The following SAMD5 variants were observed in gnomAD, a reference collection of about 807,000 sequenced individuals.
SAMD5 encodes sterile alpha motif domain-containing protein 5.
Under a neutral mutation model 11.3 loss-of-function variants are expected in SAMD5, and 13 were observed. The ratio of observed to expected loss-of-function variants is 1.15; its 90% CI spans 0.75 to 1.83. The LOEUF (loss-of-function observed/expected upper bound fraction) is 1.83, where lower values mean the gene tolerates loss of function less well. SAMD5 is among the 40% of genes most tolerant of loss of function. The pLI is 0.00. For missense variants in SAMD5, 255 were observed against 239.1 expected (o/e 1.07, Z -0.44); for synonymous variants, 129 against 111.3 (o/e 1.16, Z -1.00).
At chr6:147,630,462 T>C (rs976468085) in intron 1 of SAMD5, among the ~76,000 whole-genome samples, 3 of 151,922 alleles carry the variant, frequency 2.0e-5, no homozygotes, top group Admixed American at 6.6e-5. Flanking sequence ...AAATGGCCGG[T>C]TCCTGCCTTA....
chr6:147,832,076 G>A, the SAMD5 span, among the ~76,000 whole-genome samples: 1 of 151,956 alleles, frequency 6.6e-6, no homozygotes, highest in African/African-American at 2.4e-5. Context: ...AGAAAGGAAG[G>A]AAGAGAAAAT....
At chr6:147,544,439 T>G (rs1788653481) in intron 1 of SAMD5, among the ~76,000 whole-genome samples, 1 of 152,234 alleles carries the variant, frequency 6.6e-6, no homozygotes, top group Non-Finnish European at 1.5e-5. Flanking sequence ...GCACTTAAAC[T>G]TATATAGAAA....
At chr6:147,943,064 A>G in the SAMD5 span, among the ~76,000 whole-genome samples, 1 of 151,422 alleles carries the variant, frequency 6.6e-6, no homozygotes, top group East Asian at 1.9e-4. Flanking sequence ...CAGGTGATTC[A>G]CCCGCCTCGG....
In SAMD5 at chr6:147,686,414, A is replaced by G. The variant is rs540764464; in HGVS notation, c.163-50903A>G. Reference sequence around the variant, plus strand: ...AATGCCATATTGTCATGCCTTTTATATTTAGAATTATCATATGGAATTATT... The same window carrying G: ...AATGCCATATTGTCATGCCTTTTATGTTTAGAATTATCATATGGAATTATT... On this transcript the variant is annotated intron_variant, in intron 1 of 1. Transcript: ENST00000566741. 3.9e-5 allele frequency among the ~76,000 whole-genome samples: 6 copies of G among 152,246 alleles called. No individual in the cohort carries two copies. The South Asian group carries it at 1.0e-3, about 26-fold the overall frequency.
At position 147,580,945 on chromosome 6, in the gene SAMD5, C is replaced by G. The variant is rs372057214; in HGVS notation, c.162+71558C>G. ...GAGACGCTATGTTGGGGGTAAAGCTCTGAGGTGGCTTTTTATTCTAATCTA... is the reference window on the plus strand; with the variant it reads ...GAGACGCTATGTTGGGGGTAAAGCTGTGAGGTGGCTTTTTATTCTAATCTA... On this transcript the variant is annotated intron_variant, in intron 1 of 1. Coordinates refer to the SAMD5 transcript ENST00000566741. 8.3e-4 allele frequency among the ~76,000 whole-genome samples: 127 copies of G among 152,208 alleles called. 1 individual carries two copies. Among genetic ancestry groups the G allele is most frequent in the African/African-American group, 2.8e-3 (118 of 41,520 alleles).
chr6:147,749,167 G>GT, the SAMD5 span, among the ~76,000 whole-genome samples: 1 of 140,024 alleles, frequency 7.1e-6, no homozygotes, highest in Non-Finnish European at 1.5e-5. Context: ...ATATTTTTTT[G>GT]TTTTGTTTTT....
At chr6:147,584,680 A>G (rs1175059744) in intron 1 of SAMD5, among the ~76,000 whole-genome samples, 1 of 152,240 alleles carries the variant, frequency 6.6e-6, no homozygotes, top group Non-Finnish European at 1.5e-5. Context: ...TAATAGGTGC[A>G]TTACAATTAT....
the SAMD5 span, among the ~76,000 whole-genome samples, chr6:147,937,947 C>T: frequency 2.6e-5 from 4 of 152,204 alleles, no homozygotes; most frequent in South Asian, 4.1e-4. Context: ...CTTTAAGACA[C>T]TTTAACAATT....
the SAMD5 span, among the ~76,000 whole-genome samples, chr6:147,867,306 A>G: frequency 7.2e-6 from 1 of 139,388 alleles, no homozygotes; most frequent in Non-Finnish European, 1.5e-5. Flanking sequence ...TTTTTTACTT[A>G]ACACTGATAA....
At chr6:147,691,347 A>C (rs2128457078) in intron 1 of SAMD5, among the ~76,000 whole-genome samples, 1 of 152,298 alleles carries the variant, frequency 6.6e-6, no homozygotes, top group South Asian at 2.1e-4. Flanking sequence ...GCAGAAGGCA[A>C]CTACTGTTTT....
intron 1 of SAMD5, among the ~76,000 whole-genome samples, chr6:147,587,484 G>A (rs1198418159): frequency 1.3e-5 from 2 of 152,218 alleles, no homozygotes; most frequent in East Asian, 3.9e-4. Context: ...TGATCCGCCT[G>A]CCTTGATCTC....
chr6:147,587,177 C>T (rs1789386041), intron 1 of SAMD5, among the ~76,000 whole-genome samples: 1 of 152,082 alleles, frequency 6.6e-6, no homozygotes, highest in South Asian at 2.1e-4. Flanking sequence ...ATATTCTCAG[C>T]ACCTAGAGCA....
chr6:147,817,128 A>G, the SAMD5 span, among the ~76,000 whole-genome samples: 20 of 152,154 alleles, frequency 1.3e-4, no homozygotes, highest in African/African-American at 2.4e-5. Flanking sequence ...TTTCATCATC[A>G]TCAGACTTAA....
chr6:147,752,320 C>A, the SAMD5 span, among the ~76,000 whole-genome samples: 1 of 152,036 alleles, frequency 6.6e-6, no homozygotes, highest in African/African-American at 2.4e-5. Context: ...CATTGTGATA[C>A]CAGTTCTCAG....
intron 1 of SAMD5, among the ~76,000 whole-genome samples, chr6:147,673,535 A>G (rs1366806871): frequency 6.6e-6 from 1 of 152,092 alleles, no homozygotes; most frequent in Non-Finnish European, 1.5e-5. Flanking sequence ...TTAAAATAAG[A>G]TTTTTAGCCT....
intron 1 of SAMD5, among the ~76,000 whole-genome samples, chr6:147,650,209 G>T (rs973338507): frequency 6.6e-6 from 1 of 152,218 alleles, no homozygotes; most frequent in South Asian, 2.1e-4. Flanking sequence ...ACACACAAGG[G>T]CCTACAGTTC....
chr6:147,523,986 T>C (rs191885671), intron 1 of SAMD5, among the ~76,000 whole-genome samples: 20 of 152,340 alleles, frequency 1.3e-4, no homozygotes, highest in Non-Finnish European at 2.5e-4. Context: ...GCAAGGAATT[T>C]ACTCTTTGAG....
At chr6:147,914,715 G>T in the SAMD5 span, among the ~76,000 whole-genome samples, 1 of 152,124 alleles carries the variant, frequency 6.6e-6, no homozygotes, top group African/African-American at 2.4e-5. Context: ...CTTGCAAGGG[G>T]AAAAACAGTA....
chr6:147,612,055 T>A (rs1002382299), intron 1 of SAMD5, among the ~76,000 whole-genome samples: 2 of 152,166 alleles, frequency 1.3e-5, no homozygotes, highest in African/African-American at 4.8e-5. Flanking sequence ...TTACCAATTG[T>A]TTATCTATCA....
Sources: gnomAD v4.1 joint callset for allele counts (sites outside exome capture counted in the v4.1 genomes callset) on GRCh38, gnomAD v4.1.1 for gene constraint, MANE v1.5 for transcripts, NCBI Gene and HGNC (gene_info 2026-07-23, HGNC 2026-07-21) for gene names.